Variants in CCDC171 observed in about 807,000 individuals in gnomAD.
CCDC171 encodes coiled-coil domain containing 171, also known as coiled-coil domain-containing protein 171.
In CCDC171, 177 loss-of-function variants were observed where a neutral mutation model predicts 168.2. That is an observed-to-expected ratio of 1.05 (90% CI 0.93 to 1.19). The LOEUF (loss-of-function observed/expected upper bound fraction) is 1.19, where lower values mean the gene tolerates loss of function less well. Ranked by LOEUF, CCDC171 falls within the 50% of genes most tolerant of loss-of-function variation. The pLI is 0.00. For synonymous variants in CCDC171, 687 were observed against 540.8 expected, an observed-to-expected ratio of 1.27 and a Z score of -3.75; for missense variants, 1,991 against 1,539.0, an observed-to-expected ratio of 1.29 and a Z score of -4.91.
At chr9:15,753,899 C>G (rs2055923660) in intron 18 of CCDC171, among the ~76,000 whole-genome samples, 1 of 152,120 alleles carries the variant, frequency 6.6e-6, no homozygotes. Context: ...ATTGGACTGA[C>G]ACAAAATTAT....
intron 25 of CCDC171, among the ~76,000 whole-genome samples, chr9:15,944,836 T>TCTTTCTTCCTTTC (rs57665767): frequency 3.1e-5 from 4 of 129,962 alleles, no homozygotes; most frequent in Non-Finnish European, 6.6e-5. Flanking sequence ...TTTCTTTCTT[T>TCTTTCTTCCTTTC]TTTCTTTCTT....
At chr9:15,800,598 C>T (rs1034525400) in intron 21 of CCDC171, among the ~76,000 whole-genome samples, 2 of 152,042 alleles carry the variant, frequency 1.3e-5, no homozygotes, top group Admixed American at 6.6e-5. Context: ...TTTTGCTGTG[C>T]AGAAGCTTTT....
chr9:15,634,458 G>T (rs903856471), intron 7 of CCDC171, among the ~76,000 whole-genome samples: 4 of 152,008 alleles, frequency 2.6e-5, no homozygotes, highest in African/African-American at 4.8e-5. Flanking sequence ...CCCTGATTTT[G>T]GTCTGGTGCA....
At position 15,596,180 on chromosome 9, in the gene CCDC171, T is replaced by A. The variant is rs1027048928; in HGVS notation, c.675+2008T>A. Among the ~76,000 whole-genome samples the A allele has an allele frequency of 8.2e-4, 125 of 152,322 alleles. 2 individuals are homozygous for A. The highest frequency in any genetic ancestry group is 2.3e-3 in the African/African-American group (94 of 41,566). ...CCCATTTGTCAATTTTGGCTTTTGT[T>A]GCCATTGGTTTTGGTGTTTTAGACA... On this transcript the variant is annotated intron_variant, in intron 6 of 25. Transcript: ENST00000380701.
In CCDC171 at chr9:15,915,714, C is replaced by G. The variant is rs117034739; in HGVS notation, c.3601-4556C>G. 6.6e-3 allele frequency among the ~76,000 whole-genome samples: 1,000 copies of G among 152,226 alleles called. 16 individuals carry two copies. The highest frequency in any genetic ancestry group is 0.036 in the Admixed American group (551 of 15,278). ...GTTCCAGTTCTTAGAATGCTTTCAA[C>G]TTTTCTTCATTAAGTATAATGTTGG... On this transcript the variant is annotated intron_variant, in intron 24 of 25. Transcript: ENST00000380701.
At chr9:15,627,636 G>T (rs946272514) in intron 7 of CCDC171, among the ~76,000 whole-genome samples, 29 of 152,164 alleles carry the variant, frequency 1.9e-4, no homozygotes, top group Admixed American at 1.5e-3. Flanking sequence ...TTTTGAATGA[G>T]TTTCTTAATC....
intron 20 of CCDC171, among the ~76,000 whole-genome samples, chr9:15,780,110 C>T (rs572366928): frequency 3.3e-5 from 5 of 152,084 alleles, no homozygotes; most frequent in Non-Finnish European, 5.9e-5. Flanking sequence ...GTTATTAATC[C>T]TATGATAATG....
At chr9:15,772,276 C>T (rs1278333397) in intron 18 of CCDC171, among the ~76,000 whole-genome samples, 1 of 152,126 alleles carries the variant, frequency 6.6e-6, no homozygotes, top group Non-Finnish European at 1.5e-5. Context: ...CACCTCTCTT[C>T]TAGTACCAGT....
At chr9:15,984,428 A>G (rs987933732) in intron 3 of CCDC171, among the ~76,000 whole-genome samples, 1 of 148,182 alleles carries the variant, frequency 6.7e-6, no homozygotes, top group African/African-American at 2.6e-5. Flanking sequence ...GTACATATAT[A>G]TGTGTGTGTG....
At chr9:15,692,480 C>T (rs1010101815) in intron 10 of CCDC171, among the ~76,000 whole-genome samples, 7 of 151,578 alleles carry the variant, frequency 4.6e-5, no homozygotes, top group Non-Finnish European at 1.5e-5. Flanking sequence ...AAAATGAAAT[C>T]TCTCTCTTAA....
chr9:15,862,314 T>A (rs2061594920), intron 23 of CCDC171, among the ~76,000 whole-genome samples: 1 of 143,568 alleles, frequency 7.0e-6, no homozygotes, highest in Non-Finnish European at 1.5e-5. Flanking sequence ...AGTTCACCAA[T>A]TTTTTTTTTT....
chr9:15,813,446 T>C (rs1301383066), intron 21 of CCDC171, among the ~76,000 whole-genome samples: 1 of 152,196 alleles, frequency 6.6e-6, no homozygotes, highest in East Asian at 1.9e-4. Context: ...TGAGCCATCA[T>C]ACATTTTGTT....
At chr9:15,574,427 G>A (rs2040473985) in intron 3 of CCDC171, among the ~76,000 whole-genome samples, 1 of 151,964 alleles carries the variant, frequency 6.6e-6, no homozygotes, top group Non-Finnish European at 1.5e-5. Context: ...ATAGGTGTGA[G>A]CCACCGCGCC....
chr9:15,873,152 A>T lies in CCDC171; in HGVS notation c.3469-1380A>T, dbSNP rs550869690. ...GGGACATATAAGGATTTTTATGCCC[A>T]TAGATTAGCGTGAACAGTTAAAGAT... On this transcript the variant is annotated intron_variant, in intron 23 of 25. Coordinates refer to ENST00000380701, the MANE Select transcript of CCDC171 (RefSeq NM_173550.4). Among the ~76,000 whole-genome samples the T allele has an allele frequency of 3.3e-5, 5 of 152,194 alleles. No individual in the cohort carries two copies. In the South Asian group the frequency reaches 8.3e-4, roughly 25 times the overall value.
upstream of CCDC171, among the ~76,000 whole-genome samples, chr9:16,040,920 C>G (rs73415878): frequency 7.7e-3 from 1,173 of 151,920 alleles, 15 homozygotes; most frequent in African/African-American, 0.027. Flanking sequence ...GGGTGAATTT[C>G]TACAGTTCCC....
At chr9:16,055,584 G>A (rs191941045) in intron 1 of CCDC171, among the ~76,000 whole-genome samples, 26 of 152,356 alleles carry the variant, frequency 1.7e-4, no homozygotes, top group Middle Eastern at 3.4e-3. Flanking sequence ...TATATTGCAG[G>A]AAGAAGGCTC....
chr9:15,656,883 A>T (rs1383391703), intron 7 of CCDC171, among the ~76,000 whole-genome samples: 1 of 151,950 alleles, frequency 6.6e-6, no homozygotes, highest in Non-Finnish European at 1.5e-5. Context: ...ATCAAAAAGT[A>T]TATTTTCACT....
At position 16,000,429 on chromosome 9, in the gene CCDC171, CT is replaced by C. The variant is rs545645933; in HGVS notation, n.369-20157del. Among the ~76,000 whole-genome samples the C allele has an allele frequency of 4.7e-4, 71 of 152,186 alleles. No individual in the cohort carries two copies. The East Asian group carries it at 0.013, about 29-fold the overall frequency. On this transcript the variant is annotated intron_variant and non_coding_transcript_variant, in intron 3 of 9. Coordinates refer to the CCDC171 transcript ENST00000486641. ...TGGCAAGGAAGTGTAGGTGAGAACT[CT>C]TTAATACTTTAAAAGTTTCTAGGTA...
chr9:16,028,113 T>C (rs1833307539), intron 6 of CCDC171, among the ~76,000 whole-genome samples: 1 of 152,194 alleles, frequency 6.6e-6, no homozygotes, highest in Admixed American at 6.5e-5. Context: ...GCAGGAGATA[T>C]GTCTTCATGG....
Sources: gnomAD v4.1 joint callset for allele counts (sites outside exome capture counted in the v4.1 genomes callset) on GRCh38, gnomAD v4.1.1 for gene constraint, MANE v1.5 for transcripts, NCBI Gene and HGNC (gene_info 2026-07-23, HGNC 2026-07-21) for gene names.